The following PAM variants were observed in gnomAD, a reference collection of about 807,000 sequenced individuals.
PAM encodes peptidylglycine alpha-amidating monooxygenase.
PAM carries 72 observed loss-of-function variants against 122.1 expected under a neutral mutation model. That is an observed-to-expected ratio of 0.59 (90% CI 0.49 to 0.72). The LOEUF (loss-of-function observed/expected upper bound fraction) is 0.72, where lower values mean the gene tolerates loss of function less well. PAM is among the 30% of genes least tolerant of loss of function. PAM has a pLI of 0.00. For synonymous variants in PAM, 389 were observed against 404.4 expected, an observed-to-expected ratio of 0.96 and a Z score of 0.46; for missense variants, 1,106 against 1,183.7, an observed-to-expected ratio of 0.93 and a Z score of 0.96.
intron 24 of PAM, among the ~76,000 whole-genome samples, chr5:103,027,186 T>C (rs73181440): frequency 2.6e-3 from 397 of 152,338 alleles, no homozygotes; most frequent in African/African-American, 8.9e-3. Flanking sequence ...CCTTATTATG[T>C]ATTGACTCCA....
intron 2 of PAM, 122 bp from the exon 3 acceptor site, chr5:102,867,151 A>T: frequency 1.6e-6 from 1 of 617,920 alleles, no homozygotes; most frequent in Non-Finnish European, 2.8e-6. Flanking sequence ...TCACATCTTT[A>T]GAGTTTTCAT....
In PAM at chr5:102,990,322, G is replaced by A; in HGVS notation, c.1534G>A (p.Gly512Ser). ...LDWPGVYLLPGQVSGVALDPK... is the reference protein window; with the variant it reads ...LDWPGVYLLPSQVSGVALDPK... ...TTGGCCTGGAGTATACTTGTTACCAGGCCAGGTTTCTGGGGTGGCTCTAGA... is the reference window on the plus strand; with the variant it reads ...TTGGCCTGGAGTATACTTGTTACCAAGCCAGGTTTCTGGGGTGGCTCTAGA... The change falls in exon 16 of 26, where the codon GGC becomes AGC. Residue 512 changes from glycine (G) to serine (S), a missense_variant. Coordinates refer to ENST00000438793, the MANE Select transcript of PAM (RefSeq NM_001177306.2). 1 of 1,609,224 alleles carries A rather than the reference G, an allele frequency of 6.2e-7. No individual in the cohort carries two copies. Among genetic ancestry groups the A allele is most frequent in the Non-Finnish European group, 8.5e-7 (1 of 1,176,628 alleles).
At position 103,028,770 on chromosome 5, in the gene PAM, A is replaced by G. The variant is rs1785734489; in HGVS notation, c.2744-117A>G. The G allele has an allele frequency of 1.1e-5, 7 of 639,356 alleles. No individual in the cohort carries two copies. The East Asian group carries it at 2.0e-4, about 18-fold the overall frequency. The allele number at this position is 639,356 out of a possible 1,614,324, so 39.6% of individuals were successfully genotyped here. A position where few individuals can be genotyped will look rare whatever the true frequency, so the allele number is the denominator to read the frequency against. On this transcript the variant is annotated intron_variant, in intron 25 of 25. Transcript: ENST00000438793. ...GTCTGTTTTTCTATTTTATTTTTAA[A>G]TAAAATAATCTCCCCTTTCCCATCC...
chr5:102,956,785 C>T (rs1041417032), intron 12 of PAM, among the ~76,000 whole-genome samples: 2 of 151,692 alleles, frequency 1.3e-5, no homozygotes, highest in Admixed American at 6.6e-5. Flanking sequence ...CTGATTTAGC[C>T]GACATTGCAC....
Position 103,004,467 on chromosome 5 carries a change from A to G in PAM, c.1731-687A>G, listed in dbSNP as rs75782156. On this transcript the variant is annotated intron_variant, in intron 17 of 25. Transcript: ENST00000438793. ...ATTGTCAACACTACACTAAGATTAG[A>G]AGCTAACAGAGCTATTGGATTGTCG... is the stretch of plus-strand genomic sequence containing the variant. 1.2e-3 allele frequency among the ~76,000 whole-genome samples: 189 copies of G among 152,322 alleles called. 5 individuals carry two copies. The East Asian group carries it at 0.03, about 24-fold the overall frequency.
chr5:102,836,302 A>T (rs1382124692), intron 1 of PAM, among the ~76,000 whole-genome samples: 1 of 152,226 alleles, frequency 6.6e-6, no homozygotes, highest in Non-Finnish European at 1.5e-5. Context: ...CAGTATGTGT[A>T]ATATGCAACT....
intron 1 of PAM, among the ~76,000 whole-genome samples, chr5:102,799,193 G>A (rs1764087443): frequency 6.6e-6 from 1 of 152,110 alleles, no homozygotes; most frequent in Admixed American, 6.5e-5. Context: ...AAATCACATC[G>A]GATTTGGCAT....
At chr5:103,011,322 A>G (rs1488711421) in intron 21 of PAM, among the ~76,000 whole-genome samples, 2 of 151,950 alleles carry the variant, frequency 1.3e-5, no homozygotes, top group Admixed American at 1.3e-4. Flanking sequence ...ATCCTGATTA[A>G]CCACCGCCAC....
At chr5:102,870,826 T>C (rs896887262) in intron 3 of PAM, among the ~76,000 whole-genome samples, 13 of 152,140 alleles carry the variant, frequency 8.5e-5, no homozygotes, top group African/African-American at 3.1e-4. Flanking sequence ...CATGAAGTGG[T>C]GATATCTTGA....
At position 102,774,873 on chromosome 5, in the gene PAM, C is replaced by T. The variant is rs563986629; in HGVS notation, c.-374+19525C>T. Among the ~76,000 whole-genome samples, 4 of 152,000 alleles carry T rather than the reference C, an allele frequency of 2.6e-5. No homozygotes were observed. The South Asian group carries it at 8.3e-4, about 32-fold the overall frequency. Reference sequence around the variant, plus strand: ...AGTCAGTTATTAAAGATAATTATTTCAGTTAGTGAAGATAAATTCAATGTC... The same window carrying T: ...AGTCAGTTATTAAAGATAATTATTTTAGTTAGTGAAGATAAATTCAATGTC... On this transcript the variant is annotated intron_variant, in intron 1 of 25. Transcript: ENST00000438793.
intron 4 of PAM, among the ~76,000 whole-genome samples, chr5:102,913,182 G>T (rs1801966004): frequency 6.6e-6 from 1 of 151,992 alleles, no homozygotes; most frequent in South Asian, 2.1e-4. Context: ...AACGCAAAAG[G>T]ATGAGCCAAA....
At position 103,003,043 on chromosome 5, in the gene PAM, A is replaced by G; in HGVS notation, c.1624A>G (p.Ser542Gly). 1 of 1,557,872 alleles carries G rather than the reference A, an allele frequency of 6.4e-7. No homozygotes were observed. The highest frequency in any genetic ancestry group is 8.9e-7 in the Non-Finnish European group (1 of 1,129,152). Residue 542 changes from serine (S) to glycine (G), a missense_variant, in exon 17 of 26, where the codon AGC (serine) becomes GGC (glycine). This residue lies in a region of PAM where 670 missense variants were observed against 690.3 expected (regional missense o/e 0.97). Transcript: ENST00000438793. ...DHVWDGNSFDSKFVYQQIGLG... is the reference protein window; with the variant it reads ...DHVWDGNSFDGKFVYQQIGLG... ...ATGCTTTTTGTTTAGCTCGTTTGAC[A>G]GCAAGTTTGTTTACCAGCAAATAGG...
intron 7 of PAM, among the ~76,000 whole-genome samples, chr5:102,933,523 A>G (rs1386260602): frequency 6.6e-6 from 1 of 152,212 alleles, no homozygotes; most frequent in African/African-American, 2.4e-5. Flanking sequence ...GATATTCCTG[A>G]ACACAGGGTG....
chr5:102,918,223 T>C (rs899265163), intron 5 of PAM, among the ~76,000 whole-genome samples: 1 of 152,170 alleles, frequency 6.6e-6, no homozygotes, highest in African/African-American at 2.4e-5. Context: ...CCCAGGCGTT[T>C]GGAGGAGGAA....
chr5:102,924,433 CAAAAAAAA>C (rs989089756), intron 5 of PAM, among the ~76,000 whole-genome samples: 1 of 52,224 alleles, frequency 1.9e-5, no homozygotes, highest in Non-Finnish European at 4.4e-5. Flanking sequence ...AACTCCGTCT[CAAAAAAAA>C]AAAAAAAAAA....
chr5:102,964,912 C>T (rs1763604521), intron 14 of PAM, among the ~76,000 whole-genome samples: 1 of 151,716 alleles, frequency 6.6e-6, no homozygotes, highest in South Asian at 2.1e-4. Flanking sequence ...AACCCATTTG[C>T]ATATAAGGGA....
chr5:102,861,956 G>T (rs1466221464), intron 1 of PAM, among the ~76,000 whole-genome samples: 2 of 152,062 alleles, frequency 1.3e-5, no homozygotes, highest in African/African-American at 4.8e-5. Context: ...GATCACTTGA[G>T]CTCAGGAGTT....
chr5:102,983,446 C>CA (rs70990421), intron 15 of PAM, among the ~76,000 whole-genome samples: 2 of 103,568 alleles, frequency 1.9e-5, no homozygotes, highest in African/African-American at 3.6e-5. Context: ...TGAGACTGTC[C>CA]AAAAAAAAAA....
intron 1 of PAM, among the ~76,000 whole-genome samples, chr5:102,804,982 T>G (rs961542202): frequency 3.3e-5 from 5 of 152,276 alleles, no homozygotes; most frequent in African/African-American, 1.2e-4. Context: ...GAGATGAGAT[T>G]TATAATACTT....
Sources: gnomAD v4.1 joint callset for allele counts (sites outside exome capture counted in the v4.1 genomes callset) on GRCh38, gnomAD v4.1.1 for gene constraint, gnomAD v4.1.1 regional missense constraint, MANE v1.5 for transcripts, NCBI Gene and HGNC (gene_info 2026-07-23, HGNC 2026-07-21) for gene names.